Variants in MED15 observed in about 807,000 individuals in gnomAD.
MED15 encodes mediator complex subunit 15.
MED15 carries 41 observed loss-of-function variants against 118.7 expected under a neutral mutation model. That is an observed-to-expected ratio of 0.35 (90% confidence interval 0.27 to 0.45). The LOEUF is 0.45. Ranked by LOEUF, MED15 falls within the 20% of genes least tolerant of loss-of-function variation. MED15 has a pLI of 1.00. For synonymous variants in MED15, 436 were observed against 413.9 expected, an observed-to-expected ratio of 1.05 and a Z score of -0.65; for missense variants, 740 against 1,025.5, an observed-to-expected ratio of 0.72 and a Z score of 3.80.
chr22:20,577,742 C>T (rs1426626480), intron 9 of MED15, among the ~76,000 whole-genome samples: 2 of 151,846 alleles, frequency 1.3e-5, no homozygotes, highest in Non-Finnish European at 2.9e-5. Flanking sequence ...TTCGCACTGG[C>T]AGTGAGAGGC....
intron 1 of MED15, among the ~76,000 whole-genome samples, chr22:20,516,937 T>G (rs1332826381): frequency 1.3e-5 from 2 of 152,140 alleles, no homozygotes; most frequent in Non-Finnish European, 2.9e-5. Flanking sequence ...ACACAATTAT[T>G]ATTACTATTT....
intron 1 of MED15, among the ~76,000 whole-genome samples, chr22:20,530,963 T>C (rs955449743): frequency 1.3e-5 from 2 of 152,186 alleles, no homozygotes; most frequent in African/African-American, 2.4e-5. Context: ...GACTTATTTC[T>C]TTAACGCATA....
At chr22:20,546,196 C>G (rs1420005439) in intron 2 of MED15, among the ~76,000 whole-genome samples, 1 of 152,220 alleles carries the variant, frequency 6.6e-6, no homozygotes, top group Non-Finnish European at 1.5e-5. Context: ...TCCTGCAGCC[C>G]TCCCCATGGG....
In MED15 at chr22:20,572,994, T is replaced by C. The variant is rs1202154673; in HGVS notation, c.1153-2119T>C. 3.4e-5 allele frequency among the ~76,000 whole-genome samples: 5 copies of C among 146,682 alleles called. No individual in the cohort carries two copies. In the East Asian group the frequency reaches 1.0e-3, roughly 30 times the overall value. ...TTTTTTTTTTTTTTTAAAGACAGAG[T>C]CTCTTGCTCTGTCACCCAGGCTGGA... On this transcript the variant is annotated intron_variant, in intron 8 of 17. Coordinates refer to ENST00000263205, the MANE Select transcript of MED15 (RefSeq NM_001003891.3).
chr22:20,564,609 TGCAGCAGCAGCAGCAGCTCCAGCA>T lies in MED15; in HGVS notation c.629_652del (p.Leu210_Gln217del), dbSNP rs1189682207. 5.0e-6 allele frequency: 8 copies of T among 1,607,916 alleles called. No homozygotes were observed. The highest frequency in any genetic ancestry group is 3.4e-5 in the Admixed American group (2 of 59,652). The stretch of plus-strand genomic sequence containing the variant: ...ATGCAGCAGCAGTTCCAAGCAGTAG[TGCAGCAGCAGCAGCAGCTCCAGCA>T]GCAGCAGCAGCAGCAGCAGCATCTA... On this transcript the variant is annotated inframe_deletion, in exon 6 of 18. Transcript: ENST00000263205.
Position 20,582,836 on chromosome 22 carries a change from G to A in MED15, c.1410-4G>A. ...GCTCACATGTTTCTCTCACTTGGCTGCAGCTCTGGCCCTGCCCCATCTCCC... is the reference window on the plus strand; with the variant it reads ...GCTCACATGTTTCTCTCACTTGGCTACAGCTCTGGCCCTGCCCCATCTCCC... On this transcript the variant is annotated splice_region_variant and splice_polypyrimidine_tract_variant and intron_variant, in intron 10 of 17. Transcript: ENST00000263205. 1.9e-6 allele frequency: 3 copies of A among 1,611,040 alleles called. No homozygotes were observed. The highest frequency in any genetic ancestry group is 2.5e-6 in the Non-Finnish European group (3 of 1,179,500).
intron 1 of MED15, among the ~76,000 whole-genome samples, chr22:20,515,930 G>T (rs1352957778): frequency 6.6e-6 from 1 of 152,050 alleles, no homozygotes; most frequent in Non-Finnish European, 1.5e-5. Flanking sequence ...TTGAACCTGA[G>T]AGGCGGAGGT....
Position 20,540,238 on chromosome 22 carries a change from G to A in MED15, c.156+3034G>A, listed in dbSNP as rs968393137. Among the ~76,000 whole-genome samples, 3 of 152,060 alleles carry A rather than the reference G, an allele frequency of 2.0e-5. 1 individual carries two copies. The highest frequency in any genetic ancestry group is 2.0e-4 in the Admixed American group (3 of 15,252). On this transcript the variant is annotated intron_variant, in intron 2 of 17. Coordinates refer to ENST00000263205, the MANE Select transcript of MED15 (RefSeq NM_001003891.3). ...GCCACATAAGGTTTTTGACAGATTA[G>A]GGAAAAGGCTGTGCCACTCTTTCTG...
In MED15 at chr22:20,575,252, C is replaced by CA. The variant is rs2056789388; in HGVS notation, c.1272+21dup. ...GCACAGGTATTTACGGGGCAGCGCCCAGGGCACGGCTGGGAGCTCGGGGCG... is the reference window on the plus strand; with the variant it reads ...GCACAGGTATTTACGGGGCAGCGCCCAAGGGCACGGCTGGGAGCTCGGGGCG... On this transcript the variant is annotated intron_variant, in intron 9 of 17. Coordinates refer to ENST00000263205, the MANE Select transcript of MED15 (RefSeq NM_001003891.3). 3.1e-6 allele frequency: 5 copies of CA among 1,611,090 alleles called. No homozygotes were observed. Among genetic ancestry groups the CA allele is most frequent in the Admixed American group, 1.7e-5 (1 of 59,944 alleles).
chr22:20,583,569 T>C, intron 13 of MED15, 176 bp downstream of exon 13: 1 of 714,234 alleles, frequency 1.4e-6, no homozygotes. Flanking sequence ...CCAGGCTTCA[T>C]CTTGGCCCAT....
At chr22:20,585,853 G>A (rs761639870) in intron 17 of MED15, 27 bp downstream of exon 17, 148 of 1,605,842 alleles carry the variant, frequency 9.2e-5, no homozygotes, top group Non-Finnish European at 1.2e-4. Context: ...GAGCTGTCTG[G>A]GGACCCAGGG....
chr22:20,559,984 C>G (rs955377944), intron 5 of MED15, among the ~76,000 whole-genome samples: 1 of 152,014 alleles, frequency 6.6e-6, no homozygotes, highest in Non-Finnish European at 1.5e-5. Flanking sequence ...GGTGACATTC[C>G]ACCACAGGGG....
rs1404889430 is a variant in MED15, at chr22:20,508,421, A to T, written c.68+675A>T. ...AGTTTTTTTCATGCGCGTCCGTGTG[A>T]AGAGACCACCAAACAGGCTTTGTGT... On this transcript the variant is annotated intron_variant, in intron 1 of 17. Coordinates refer to ENST00000263205, the MANE Select transcript of MED15 (RefSeq NM_001003891.3). 1.0e-5 allele frequency: 13 copies of T among 1,303,286 alleles called. No individual in the cohort carries two copies. The Admixed American group carries it at 2.8e-4, about 28-fold the overall frequency. The allele number at this position is 1,303,286 out of a possible 1,614,324, so 80.7% of individuals were successfully genotyped here.
At chr22:20,577,781 T>C (rs1397025204) in intron 9 of MED15, among the ~76,000 whole-genome samples, 2 of 151,938 alleles carry the variant, frequency 1.3e-5, no homozygotes, top group Non-Finnish European at 2.9e-5. Flanking sequence ...GGTTGTTCAC[T>C]GAGGACAAAC....
intron 1 of MED15, among the ~76,000 whole-genome samples, chr22:20,510,491 G>C (rs1032376895): frequency 6.6e-6 from 1 of 152,234 alleles, no homozygotes; most frequent in Non-Finnish European, 1.5e-5. Context: ...TATCAAGGCT[G>C]AAATCAAGAC....
At chr22:20,542,260 T>C (rs1168361039) in intron 2 of MED15, among the ~76,000 whole-genome samples, 2 of 152,152 alleles carry the variant, frequency 1.3e-5, no homozygotes. Context: ...CACAAAAATA[T>C]ATACACAAAT....
Position 20,587,026 on chromosome 22 carries a change from A to C in MED15, c.*322A>C. 1 of 418,946 alleles carries C rather than the reference A, an allele frequency of 2.4e-6. No individual in the cohort carries two copies. The highest frequency in any genetic ancestry group is 3.6e-5 in the South Asian group (1 of 28,142). 26.0% of individuals were successfully genotyped at this position (418,946 alleles called of 1,614,324 possible). ...GGTCCAGGTCCATCTCAGCAGCGTG[A>C]GGGTGCACTCAGGGTGTTGTTAGAG... On this transcript the variant is annotated 3_prime_UTR_variant, in exon 18 of 18. Coordinates refer to ENST00000263205, the MANE Select transcript of MED15 (RefSeq NM_001003891.3).
At chr22:20,507,982 T>C (rs2053929165) in intron 1 of MED15, 1 of 1,432,568 alleles carries the variant, frequency 7.0e-7, no homozygotes. Flanking sequence ...GGCTTATGAA[T>C]CATCGTCTTG....
intron 5 of MED15, among the ~76,000 whole-genome samples, chr22:20,563,198 G>C (rs1051544382): frequency 2.6e-5 from 4 of 152,126 alleles, no homozygotes; most frequent in Non-Finnish European, 5.9e-5. Flanking sequence ...TTACACTCTT[G>C]GGTATTTTTC....
Sources: allele counts gnomAD v4.1 joint callset (sites outside exome capture counted in the v4.1 genomes callset), GRCh38; gene constraint gnomAD v4.1.1; transcripts MANE v1.5; gene names NCBI Gene and HGNC (gene_info 2026-07-23, HGNC 2026-07-21).